UTP6: variants seen among roughly 807,000 people sequenced by gnomAD.
The protein encoded by UTP6 is UTP6 small subunit processome component.
UTP6 carries 60 observed loss-of-function variants against 96.5 expected under a neutral mutation model. The ratio of observed to expected loss-of-function variants is 0.62; its 90% CI spans 0.51 to 0.77. The LOEUF (loss-of-function observed/expected upper bound fraction) is 0.77. Ranked by LOEUF, UTP6 falls within the 30% of genes least tolerant of loss-of-function variation. The pLI is 0.00. For synonymous variants in UTP6, 215 were observed against 240.1 expected (o/e 0.90, Z 0.96); for missense variants, 637 against 706.5 (o/e 0.90, Z 1.12).
At chr17:31,880,833 T>TA (rs1483797190) in intron 10 of UTP6, 79 bp from the exon 11 acceptor site, 8 of 1,562,406 alleles carry the variant, frequency 5.1e-6, no homozygotes, top group African/African-American at 4.1e-5. Context: ...TACCTGTGCT[T>TA]AAAAAATCTA....
At chr17:31,881,070 A>G (rs1910806552) in intron 10 of UTP6, among the ~76,000 whole-genome samples, 1 of 151,840 alleles carries the variant, frequency 6.6e-6, no homozygotes, top group African/African-American at 2.4e-5. Flanking sequence ...CAGCTACTAG[A>G]GAGGCTGAGA....
chr17:31,888,188 C>T (rs1911262907), intron 7 of UTP6: 1 of 151,232 alleles, frequency 6.6e-6, no homozygotes, highest in Non-Finnish European at 1.5e-5. Flanking sequence ...ACAGAAAGAA[C>T]ATGGAGAAAA....
chr17:31,871,065 C>T (rs1910144300), intron 16 of UTP6, among the ~76,000 whole-genome samples: 1 of 149,640 alleles, frequency 6.7e-6, no homozygotes, highest in South Asian at 2.1e-4. Context: ...TCTCAGCTCA[C>T]TGAAAGCTCC....
intron 16 of UTP6, among the ~76,000 whole-genome samples, chr17:31,870,390 G>C (rs1910082945): frequency 6.6e-6 from 1 of 151,976 alleles, no homozygotes; most frequent in African/African-American, 2.4e-5. Flanking sequence ...TTGTGGTTTT[G>C]ATTTGCATTT....
intron 10 of UTP6, 138 bp from the exon 11 acceptor site, chr17:31,880,892 G>A: frequency 8.3e-7 from 1 of 1,203,836 alleles, no homozygotes; most frequent in South Asian, 1.4e-5. Context: ...CTATTTCCCA[G>A]GCCGGGCCCG....
At chr17:31,887,904 T>C (rs1291394317) in intron 7 of UTP6, 1 of 131,282 alleles carries the variant, frequency 7.6e-6, no homozygotes, top group African/African-American at 3.0e-5. Context: ...GAGGTTGCAG[T>C]GAGCCAAGAA....
intron 2 of UTP6, among the ~76,000 whole-genome samples, chr17:31,897,484 G>C (rs1017437742): frequency 9.5e-6 from 1 of 105,816 alleles, no homozygotes; most frequent in Non-Finnish European, 1.7e-5. Flanking sequence ...TTTCGCTCTT[G>C]TCTCCCAGGC....
chr17:31,894,803 T>G, intron 3 of UTP6, 66 bp from the exon 4 acceptor site: 1 of 1,421,822 alleles, frequency 7.0e-7, no homozygotes, highest in Non-Finnish European at 9.8e-7. Context: ...GCATTCCTAC[T>G]TGACCACTTA....
At position 31,901,704 on chromosome 17, in the gene UTP6, G is replaced by C. The variant is rs533820327; in HGVS notation, c.-77C>G. ...CAGGAAGCTCCCGGTTTCAGGTTCG[G>C]AGACCCAGCCCTACCACCGACGCGT... is the stretch of plus-strand genomic sequence containing the variant. On this transcript the variant is annotated 5_prime_UTR_variant, in exon 1 of 19. Coordinates refer to ENST00000261708, the MANE Select transcript of UTP6 (RefSeq NM_018428.3). 3 of 1,442,110 alleles carry C rather than the reference G, an allele frequency of 2.1e-6. No individual in the cohort carries two copies. Among genetic ancestry groups the C allele is most frequent in the African/African-American group, 2.8e-5 (2 of 72,220 alleles). The allele number at this position is 1,442,110 out of a possible 1,614,324, so 89.3% of individuals were successfully genotyped here. A position where few individuals can be genotyped will look rare whatever the true frequency, so the allele number is the denominator to read the frequency against.
intron 2 of UTP6, among the ~76,000 whole-genome samples, chr17:31,895,382 T>G (rs1904574297): frequency 6.6e-6 from 1 of 152,196 alleles, no homozygotes; most frequent in Admixed American, 6.5e-5. Context: ...TGTACCTATC[T>G]CTGATTCTAC....
rs770665519 is a variant in UTP6 at position 31,863,230 on chromosome 17, AGT to A, written c.*127_*128del. On this transcript the variant is annotated 3_prime_UTR_variant, in exon 19 of 19. Coordinates refer to ENST00000261708, the MANE Select transcript of UTP6 (RefSeq NM_018428.3). ...ATTTAACAAGTTAACATAAAATTAA[AGT>A]GTGTCTCAAAACCAGACAGCCATCT... 2 of 929,428 alleles carry A rather than the reference AGT, an allele frequency of 2.2e-6. No individual in the cohort carries two copies. Among genetic ancestry groups the A allele is most frequent in the Non-Finnish European group, 3.3e-6 (2 of 609,242 alleles). 57.6% of individuals were successfully genotyped at this position (929,428 alleles called of 1,614,324 possible). A position where few individuals can be genotyped will look rare whatever the true frequency, so the allele number is the denominator to read the frequency against.
Position 31,862,093 on chromosome 17 carries a change from C to CA in UTP6, c.*1265dup, listed in dbSNP as rs1909580278. The CA allele has an allele frequency of 6.6e-6, 1 of 152,226 alleles. No individual in the cohort carries two copies. Among genetic ancestry groups the CA allele is most frequent in the Admixed American group, 6.5e-5 (1 of 15,270 alleles). The allele number at this position is 152,226 out of a possible 1,614,324, so 9.4% of individuals were successfully genotyped here. On this transcript the variant is annotated 3_prime_UTR_variant, in exon 19 of 19. Transcript: ENST00000261708. ...GGTGGATCATGAGGTCAGGAGTTCG[C>CA]AACCAGCCTGGCCAATATGATGAAA...
At chr17:31,897,770 T>C (rs1904743259) in intron 2 of UTP6, among the ~76,000 whole-genome samples, 1 of 152,134 alleles carries the variant, frequency 6.6e-6, no homozygotes, top group South Asian at 2.1e-4. Context: ...CTTATAAACA[T>C]GTGATCTTGT....
In UTP6 at chr17:31,901,307, C is replaced by G. The variant is rs150394230; in HGVS notation, c.92+229G>C. 32 of 539,960 alleles carry G rather than the reference C, an allele frequency of 5.9e-5. 1 individual carries two copies. The highest frequency in any genetic ancestry group is 4.7e-4 in the African/African-American group (25 of 52,910). The allele number at this position is 539,960 out of a possible 1,614,324, so 33.4% of individuals were successfully genotyped here. A position where few individuals can be genotyped will look rare whatever the true frequency, so the allele number is the denominator to read the frequency against. On this transcript the variant is annotated intron_variant, in intron 1 of 18. Coordinates refer to ENST00000261708, the MANE Select transcript of UTP6 (RefSeq NM_018428.3). ...GTTTATCACCTTTACAGCCCTAAGA[C>G]CCGGCTCCATGAAGGGCTGTCAAAA...
At position 31,860,938 on chromosome 17, in the gene UTP6, A is replaced by G. The variant is rs1909540442; in HGVS notation, c.*2421T>C. On this transcript the variant is annotated 3_prime_UTR_variant, in exon 19 of 19. Coordinates refer to ENST00000261708, the MANE Select transcript of UTP6 (RefSeq NM_018428.3). ...AAATTTAATATATAATAAAGGTAAC[A>G]TCACAAATCAGCAGAGAGAAACATA... 6.6e-6 allele frequency: 1 copy of G among 152,146 alleles called. No homozygotes were observed. The highest frequency in any genetic ancestry group is 1.5e-5 in the Non-Finnish European group (1 of 68,040). The allele number at this position is 152,146 out of a possible 1,614,324, so 9.4% of individuals were successfully genotyped here. A position where few individuals can be genotyped will look rare whatever the true frequency, so the allele number is the denominator to read the frequency against.
At position 31,860,952 on chromosome 17, in the gene UTP6, G is replaced by C. The variant is rs965668903; in HGVS notation, c.*2407C>G. The C allele has an allele frequency of 1.3e-5, 2 of 152,066 alleles. No homozygotes were observed. The highest frequency in any genetic ancestry group is 2.9e-5 in the Non-Finnish European group (2 of 68,010). 9.4% of individuals were successfully genotyped at this position (152,066 alleles called of 1,614,324 possible). The stretch of plus-strand genomic sequence containing the variant: ...ATAAAGGTAACATCACAAATCAGCA[G>C]AGAGAAACATAACTGCCCAAATAGT... On this transcript the variant is annotated 3_prime_UTR_variant, in exon 19 of 19. Transcript: ENST00000261708.
chr17:31,898,330 T>G (rs903372111), intron 2 of UTP6, among the ~76,000 whole-genome samples: 1 of 150,964 alleles, frequency 6.6e-6, no homozygotes, highest in Non-Finnish European at 1.5e-5. Context: ...AGGTCAGGAG[T>G]TCAAGACCAG....
chr17:31,899,856 G>GT, intron 1 of UTP6, 126 bp from the exon 2 acceptor site: 1 of 728,434 alleles, frequency 1.4e-6, no homozygotes, highest in Non-Finnish European at 2.1e-6. Context: ...TCATAAGAAA[G>GT]TATTATCGGC....
At chr17:31,882,908 C>T (rs921747540) in intron 10 of UTP6, among the ~76,000 whole-genome samples, 2 of 152,090 alleles carry the variant, frequency 1.3e-5, no homozygotes, top group Non-Finnish European at 2.9e-5. Flanking sequence ...ACCTCAGCCC[C>T]GCAAGTAGCT....
Sources: allele counts gnomAD v4.1 joint callset (sites outside exome capture counted in the v4.1 genomes callset), GRCh38; gene constraint gnomAD v4.1.1; transcripts MANE v1.5; gene names NCBI Gene and HGNC (gene_info 2026-07-23, HGNC 2026-07-21).